The following ZNF407 variants were observed in gnomAD, a reference collection of about 807,000 sequenced individuals.
ZNF407 encodes the protein zinc finger protein 407.
A neutral mutation model predicts 131.2 loss-of-function variants in ZNF407; 17 were observed. The observed-to-expected ratio is 0.13, with a 90% confidence interval of 0.09 to 0.19. The LOEUF is 0.19. ZNF407 is among the 10% of genes least tolerant of loss of function. The pLI, the probability that ZNF407 is intolerant of heterozygous loss-of-function variation, is 1.00. For missense variants in ZNF407, 2,681 were observed against 2,830.6 expected (o/e 0.95, Z 1.20); for synonymous variants, 1,156 against 1,062.0 (o/e 1.09, Z -1.72).
chr18:75,013,037 A>T (rs950801090), intron 8 of ZNF407, among the ~76,000 whole-genome samples: 1 of 151,734 alleles, frequency 6.6e-6, no homozygotes, highest in African/African-American at 2.4e-5. Context: ...TATCATGAAA[A>T]GGAGACCGTG....
chr18:74,766,997 C>T (rs1406775983), intron 3 of ZNF407, among the ~76,000 whole-genome samples: 2 of 152,096 alleles, frequency 1.3e-5, no homozygotes, highest in Non-Finnish European at 2.9e-5. Flanking sequence ...CTGCAACCTC[C>T]GTCTGCCAGC....
intron 3 of ZNF407, among the ~76,000 whole-genome samples, chr18:74,694,103 T>C (rs1485306719): frequency 2.0e-5 from 3 of 152,210 alleles, no homozygotes; most frequent in African/African-American, 7.2e-5. Flanking sequence ...GTGGATATTG[T>C]GAATTTTGGG....
chr18:75,051,619 G>GAT lies in ZNF407; in HGVS notation c.5429-11528_5429-11527dup, dbSNP rs553771458. Reference sequence around the variant, plus strand: ...TCAGGGTTCTAGAGAAGAGAGAATTGATATGCAATGGAATCTCTGAACCTT... The same window carrying GAT: ...TCAGGGTTCTAGAGAAGAGAGAATTGATATATGCAATGGAATCTCTGAACCTT... On this transcript the variant is annotated intron_variant, in intron 8 of 8. Coordinates refer to ENST00000299687, the MANE Select transcript of ZNF407 (RefSeq NM_017757.3). Among the ~76,000 whole-genome samples, 7 of 152,310 alleles carry GAT rather than the reference G, an allele frequency of 4.6e-5. No homozygotes were observed. In the South Asian group the frequency reaches 1.2e-3, roughly 27 times the overall value.
At chr18:74,925,209 G>A (rs576598096) in intron 8 of ZNF407, among the ~76,000 whole-genome samples, 8 of 151,998 alleles carry the variant, frequency 5.3e-5, no homozygotes, top group Admixed American at 2.0e-4. Context: ...GGTCATATAC[G>A]TATGTACATT....
intron 4 of ZNF407, among the ~76,000 whole-genome samples, chr18:74,786,087 A>ATTC (rs1969706356): frequency 6.6e-6 from 1 of 152,218 alleles, no homozygotes; most frequent in East Asian, 1.9e-4. Flanking sequence ...ATTAGAAGAT[A>ATTC]TTCTATTCAT....
intron 1 of ZNF407, among the ~76,000 whole-genome samples, chr18:74,610,348 A>G (rs1983000562): frequency 6.6e-6 from 1 of 152,080 alleles, no homozygotes. Flanking sequence ...GTTTTTCTCT[A>G]CAGTTCATGG....
At chr18:74,683,931 T>C (rs1967040681) in intron 3 of ZNF407, among the ~76,000 whole-genome samples, 1 of 152,224 alleles carries the variant, frequency 6.6e-6, no homozygotes, top group Admixed American at 6.5e-5. Context: ...AAATAGGAAA[T>C]AATTTTCTGT....
intron 3 of ZNF407, among the ~76,000 whole-genome samples, chr18:74,724,560 T>G (rs1968113395): frequency 6.6e-6 from 1 of 152,114 alleles, no homozygotes; most frequent in African/African-American, 2.4e-5. Context: ...TCTCTCTCTC[T>G]CTCTCATGCA....
chr18:75,026,147 A>C (rs1380893637), intron 8 of ZNF407, among the ~76,000 whole-genome samples: 1 of 152,222 alleles, frequency 6.6e-6, no homozygotes, highest in Non-Finnish European at 1.5e-5. Context: ...ACGACGACAA[A>C]GGAACTTTTT....
At chr18:75,002,144 C>T (rs1599287777) in intron 8 of ZNF407, among the ~76,000 whole-genome samples, 1 of 152,210 alleles carries the variant, frequency 6.6e-6, no homozygotes, top group Non-Finnish European at 1.5e-5. Context: ...CATTTTTCTC[C>T]TAAAAGGGCT....
intron 8 of ZNF407, among the ~76,000 whole-genome samples, chr18:74,942,799 A>G (rs562498819): frequency 6.6e-6 from 1 of 152,282 alleles, no homozygotes; most frequent in East Asian, 1.9e-4. Flanking sequence ...GCTGATATGC[A>G]TGTGTTTCTC....
chr18:74,838,988 ACTGT>A (rs1244190986), intron 4 of ZNF407, among the ~76,000 whole-genome samples: 3 of 152,092 alleles, frequency 2.0e-5, no homozygotes, highest in East Asian at 3.9e-4. Context: ...TATTGAGTAG[ACTGT>A]CTGCAAAGTT....
intron 3 of ZNF407, among the ~76,000 whole-genome samples, chr18:74,752,262 T>A (rs929881974): frequency 7.2e-5 from 11 of 152,212 alleles, no homozygotes; most frequent in African/African-American, 2.7e-4. Context: ...TCTTTGTAGA[T>A]CCTGGATATT....
At chr18:74,751,034 C>A (rs1968788798) in intron 3 of ZNF407, among the ~76,000 whole-genome samples, 1 of 151,956 alleles carries the variant, frequency 6.6e-6, no homozygotes, top group Admixed American at 6.6e-5. Context: ...TTTGTATTGT[C>A]TTTTTATTGA....
At chr18:74,880,982 T>G (rs1971229226) in intron 5 of ZNF407, 54 bp from the exon 6 acceptor site, 1 of 1,444,578 alleles carries the variant, frequency 6.9e-7, no homozygotes, top group Non-Finnish European at 9.5e-7. Flanking sequence ...TTGATAGATA[T>G]GTTTTAATGA....
At chr18:74,623,271 AGT>A (rs751891146) in intron 1 of ZNF407, among the ~76,000 whole-genome samples, 6 of 150,852 alleles carry the variant, frequency 4.0e-5, no homozygotes, top group Non-Finnish European at 7.4e-5. Context: ...TGTGTGCATG[AGT>A]GTGAGACTGC....
intron 4 of ZNF407, among the ~76,000 whole-genome samples, chr18:74,848,822 A>G (rs1370366766): frequency 3.3e-5 from 5 of 152,124 alleles, no homozygotes; most frequent in African/African-American, 9.7e-5. Context: ...GGCTACTTTC[A>G]TAGAGGCTAT....
At chr18:74,751,280 T>A (rs1040954008) in intron 3 of ZNF407, among the ~76,000 whole-genome samples, 5 of 152,200 alleles carry the variant, frequency 3.3e-5, no homozygotes, top group African/African-American at 4.8e-5. Context: ...ACTTTTTGGA[T>A]ATATCATTAG....
intron 3 of ZNF407, among the ~76,000 whole-genome samples, chr18:74,726,902 A>C (rs1010690290): frequency 6.6e-6 from 1 of 152,156 alleles, no homozygotes; most frequent in Non-Finnish European, 1.5e-5. Flanking sequence ...ATTTCGGTGC[A>C]TCTTATTGGA....
Sources: allele counts gnomAD v4.1 joint callset (sites outside exome capture counted in the v4.1 genomes callset), GRCh38; gene constraint gnomAD v4.1.1; transcripts MANE v1.5; gene names NCBI Gene and HGNC (gene_info 2026-07-23, HGNC 2026-07-21).